The following TPTE2 variants were observed in gnomAD, a reference collection of about 807,000 sequenced individuals.
The protein encoded by TPTE2 is phosphatidylinositol 3,4,5-trisphosphate 3-phosphatase TPTE2.
A neutral mutation model predicts 78.6 loss-of-function variants in TPTE2; 53 were observed. The observed-to-expected ratio is 0.67, with a 90% CI of 0.54 to 0.85. The LOEUF (loss-of-function observed/expected upper bound fraction) is 0.85. TPTE2 is among the 40% of genes least tolerant of loss of function. TPTE2 has a pLI of 0.00. For missense variants in TPTE2, 461 were observed against 623.0 expected (o/e 0.74, Z 2.77); for synonymous variants, 175 against 206.2 (o/e 0.85, Z 1.30).
the TPTE2 span, among the ~76,000 whole-genome samples, chr13:19,550,663 G>C: frequency 6.6e-6 from 1 of 152,088 alleles, no homozygotes; most frequent in African/African-American, 2.4e-5. Flanking sequence ...AAGGAAGTGA[G>C]GCTTGGAGAG....
intron 10 of TPTE2, among the ~76,000 whole-genome samples, chr13:19,459,779 C>T (rs556447350): frequency 6.6e-6 from 1 of 152,278 alleles, no homozygotes; most frequent in South Asian, 2.1e-4. Context: ...ATCTGGCAAG[C>T]CAGCTGTGCT....
the TPTE2 span, among the ~76,000 whole-genome samples, chr13:19,555,455 T>C: frequency 2.0e-5 from 3 of 152,196 alleles, no homozygotes; most frequent in Non-Finnish European, 4.4e-5. Flanking sequence ...CAGTGAACAA[T>C]TGCTAAATTT....
chr13:19,528,316 G>A (rs1185571027), intron 1 of TPTE2, among the ~76,000 whole-genome samples: 1 of 151,936 alleles, frequency 6.6e-6, no homozygotes, highest in Non-Finnish European at 1.5e-5. Context: ...GAATCCAAGA[G>A]GCGGAGGCTG....
At chr13:19,496,084 C>A in intron 1 of TPTE2, among the ~76,000 whole-genome samples, 1 of 152,072 alleles carries the variant, frequency 6.6e-6, no homozygotes, top group East Asian at 1.9e-4. Flanking sequence ...GCCAGGCTGG[C>A]CTTGAACTAC....
chr13:19,556,053 T>G, the TPTE2 span, among the ~76,000 whole-genome samples: 28 of 152,120 alleles, frequency 1.8e-4, no homozygotes, highest in African/African-American at 6.5e-4. Flanking sequence ...TCTCAGATGA[T>G]CCACCCACCT....
At chr13:19,558,234 T>C in the TPTE2 span, among the ~76,000 whole-genome samples, 1 of 152,196 alleles carries the variant, frequency 6.6e-6, no homozygotes, top group African/African-American at 2.4e-5. Flanking sequence ...TAGTATTAAA[T>C]AAAAAGTATT....
chr13:19,533,000 C>T (rs1490103344), intron 1 of TPTE2, among the ~76,000 whole-genome samples: 2 of 152,154 alleles, frequency 1.3e-5, no homozygotes, highest in Non-Finnish European at 2.9e-5. Context: ...ACTCTGATGT[C>T]TAGTAGAGGC....
At chr13:19,549,775 T>G in the TPTE2 span, among the ~76,000 whole-genome samples, 194 of 63,872 alleles carry the variant, frequency 3.0e-3, 3 homozygotes, top group East Asian at 0.016. Context: ...ATGGTGGATT[T>G]GATAAGGAAA....
the TPTE2 span, chr13:19,561,379 C>T: frequency 6.5e-6 from 3 of 464,364 alleles, no homozygotes; most frequent in Non-Finnish European, 1.1e-5. Flanking sequence ...TTCCCGCTGT[C>T]GCAGACGCCG....
chr13:19,538,979 G>C (rs2446453), upstream of TPTE2, among the ~76,000 whole-genome samples: 5,715 of 152,316 alleles, frequency 0.038, 387 homozygotes, highest in African/African-American at 0.13. Flanking sequence ...TCTGGTGAGA[G>C]ACTTCTTGCT....
intron 13 of TPTE2, among the ~76,000 whole-genome samples, chr13:19,447,297 G>T (rs1877905850): frequency 6.6e-6 from 1 of 152,110 alleles, no homozygotes; most frequent in South Asian, 2.1e-4. Context: ...AAGAAAAAAA[G>T]TCAAATTTGA....
intron 13 of TPTE2, among the ~76,000 whole-genome samples, chr13:19,439,722 A>G (rs547189121): frequency 1.7e-4 from 26 of 152,298 alleles, no homozygotes; most frequent in Non-Finnish European, 1.8e-4. Context: ...ACATCAATCC[A>G]GGAAATGAAG....
chr13:19,466,213 G>A (rs1336826056), intron 7 of TPTE2, among the ~76,000 whole-genome samples: 1 of 152,200 alleles, frequency 6.6e-6, no homozygotes, highest in Admixed American at 6.5e-5. Flanking sequence ...TTGTTAAGCT[G>A]CAGATTGCTG....
upstream of TPTE2, among the ~76,000 whole-genome samples, chr13:19,504,327 C>A (rs1396715689): frequency 6.6e-6 from 1 of 152,062 alleles, no homozygotes; most frequent in Admixed American, 6.6e-5. Flanking sequence ...ACACTAAAAT[C>A]CCTTCATCAG....
At chr13:19,458,629 C>G in intron 10 of TPTE2, 1 of 485,512 alleles carries the variant, frequency 2.1e-6, no homozygotes, top group East Asian at 5.7e-5. Flanking sequence ...GGAGATTAGG[C>G]CCAGTCTTTT....
At chr13:19,449,236 C>A (rs1450115060) in intron 13 of TPTE2, among the ~76,000 whole-genome samples, 3 of 152,014 alleles carry the variant, frequency 2.0e-5, no homozygotes, top group Non-Finnish European at 4.4e-5. Context: ...TACAATGGTG[C>A]GATCTCAGCT....
chr13:19,452,995 AT>A (rs766683210), intron 10 of TPTE2, among the ~76,000 whole-genome samples: 68,551 of 102,524 alleles, frequency 0.67, 20,204 homozygotes, highest in Non-Finnish European at 0.74. Flanking sequence ...TATTTATTTT[AT>A]TTTATTTTAT....
chr13:19,461,933 C>CTTTTTTT (rs60926599), intron 10 of TPTE2, among the ~76,000 whole-genome samples: 4,123 of 133,920 alleles, frequency 0.031, 180 homozygotes, highest in African/African-American at 0.11. Context: ...ACAGTTGGGT[C>CTTTTTTT]TTTTTTTTTT....
At chr13:19,434,315 T>C (rs1876900390) in intron 15 of TPTE2, among the ~76,000 whole-genome samples, 1 of 152,150 alleles carries the variant, frequency 6.6e-6, no homozygotes, top group Admixed American at 6.5e-5. Flanking sequence ...AAAAGGGGCA[T>C]GAGCAATGGC....
Sources: gnomAD v4.1 joint callset for allele counts (sites outside exome capture counted in the v4.1 genomes callset) on GRCh38, gnomAD v4.1.1 for gene constraint, MANE v1.5 for transcripts, NCBI Gene and HGNC (gene_info 2026-07-23, HGNC 2026-07-21) for gene names.